KCNMA1: variants seen among roughly 807,000 people sequenced by gnomAD.
KCNMA1 encodes Calcium-activated potassium channel subunit alpha-1.
Under a neutral mutation model 140.0 loss-of-function variants are expected in KCNMA1, and 29 were observed. That is an observed-to-expected ratio of 0.21 (90% CI 0.15 to 0.28). KCNMA1 has a LOEUF of 0.28. Among genes scored for constraint, KCNMA1 ranks in the 10% least tolerant of loss-of-function variants. The pLI, the probability that KCNMA1 is intolerant of heterozygous loss-of-function variation, is 1.00. For synonymous variants in KCNMA1, 612 were observed against 611.9 expected (o/e 1.00, Z 0.00); for missense variants, 880 against 1,602.2 (o/e 0.55, Z 7.70).
intron 3 of KCNMA1, among the ~76,000 whole-genome samples, chr10:77,192,537 C>T (rs1372024145): frequency 6.6e-6 from 1 of 152,152 alleles, no homozygotes; most frequent in South Asian, 2.1e-4. Flanking sequence ...GCTATAGGAT[C>T]TTAAGCAAAT....
At chr10:76,904,241 T>C (rs1299392115) in intron 25 of KCNMA1, 1 of 152,242 alleles carries the variant, frequency 6.6e-6, no homozygotes, top group African/African-American at 2.4e-5. Flanking sequence ...TCCTAATTCA[T>C]GGCCCAGTTT....
At chr10:77,032,560 G>A (rs1478086288) in intron 15 of KCNMA1, among the ~76,000 whole-genome samples, 1 of 151,950 alleles carries the variant, frequency 6.6e-6, no homozygotes, top group Non-Finnish European at 1.5e-5. Context: ...ATAATTACAG[G>A]GGAATAGAAA....
intron 11 of KCNMA1, among the ~76,000 whole-genome samples, chr10:77,085,089 A>C (rs1487164366): frequency 6.6e-6 from 1 of 152,080 alleles, no homozygotes; most frequent in African/African-American, 2.4e-5. Flanking sequence ...TCCTATCAGG[A>C]GTTGGAGGTG....
chr10:77,525,800 C>G (rs1603632833), intron 1 of KCNMA1, among the ~76,000 whole-genome samples: 1 of 152,286 alleles, frequency 6.6e-6, no homozygotes, highest in Middle Eastern at 3.4e-3. Flanking sequence ...ACTAACATGG[C>G]CCCATCTTGT....
chr10:77,637,007 C>G, intron 1 of KCNMA1: 1 of 1,414,580 alleles, frequency 7.1e-7, no homozygotes, highest in Non-Finnish European at 9.2e-7. Context: ...GCCAACAACC[C>G]TACAATAAAC....
intron 2 of KCNMA1, among the ~76,000 whole-genome samples, chr10:77,293,253 T>A (rs1187715396): frequency 6.6e-6 from 1 of 152,182 alleles, no homozygotes; most frequent in Non-Finnish European, 1.5e-5. Flanking sequence ...TTCCTCATTG[T>A]TTATAAAGAG....
chr10:77,338,158 A>G lies in KCNMA1; in HGVS notation c.540+65704T>C, dbSNP rs1039817913. ...TGAGAGTGAAAAGGAAACAGGACTC[A>G]AGCCTCTCTTTGGTCACAGACTCAG... On this transcript the variant is annotated intron_variant, in intron 2 of 27. Coordinates refer to ENST00000286628, the MANE Select transcript of KCNMA1 (RefSeq NM_001161352.2). 7.2e-5 allele frequency among the ~76,000 whole-genome samples: 11 copies of G among 152,276 alleles called. 1 individual carries two copies. In the South Asian group the frequency reaches 2.3e-3, roughly 32 times the overall value.
chr10:77,548,816 A>G (rs61096875), intron 1 of KCNMA1, among the ~76,000 whole-genome samples: 26,517 of 152,214 alleles, frequency 0.17, 2,584 homozygotes, highest in African/African-American at 0.26. Flanking sequence ...TCATGCAACA[A>G]GTAATTATTG....
At chr10:77,314,003 A>C (rs959010798) in intron 2 of KCNMA1, 10 of 152,222 alleles carry the variant, frequency 6.6e-5, no homozygotes, top group Non-Finnish European at 1.2e-4. Context: ...TTTATAAATG[A>C]AATGAGAATG....
At chr10:76,947,236 C>T (rs2064322260) in intron 22 of KCNMA1, among the ~76,000 whole-genome samples, 1 of 152,070 alleles carries the variant, frequency 6.6e-6, no homozygotes, top group Non-Finnish European at 1.5e-5. Context: ...ACTCAGGAGA[C>T]TGAGGCAGGA....
chr10:77,350,743 C>G (rs561950529), intron 2 of KCNMA1: 1 of 152,402 alleles, frequency 6.6e-6, no homozygotes, highest in South Asian at 2.1e-4. Context: ...GGGAGGGTGT[C>G]TCTCTCCCCT....
intron 5 of KCNMA1, among the ~76,000 whole-genome samples, chr10:77,159,666 C>T (rs888231882): frequency 1.3e-5 from 2 of 151,888 alleles, no homozygotes; most frequent in African/African-American, 4.8e-5. Context: ...CCTGCCTATT[C>T]CCCCCTCCTG....
At chr10:77,244,731 G>A (rs1285444848) in intron 3 of KCNMA1, among the ~76,000 whole-genome samples, 1 of 152,314 alleles carries the variant, frequency 6.6e-6, no homozygotes, top group Middle Eastern at 3.4e-3. Context: ...GGTCAGATGA[G>A]CTAGGAAGGC....
At chr10:77,413,939 G>A (rs176286) in intron 1 of KCNMA1, among the ~76,000 whole-genome samples, 70,169 of 151,826 alleles carry the variant, frequency 0.46, 17,274 homozygotes, top group South Asian at 0.55. Flanking sequence ...TGGGTGTCTC[G>A]GCTGGACCTA....
rs1022941695 is a variant in KCNMA1 at position 77,629,744 on chromosome 10, C to G, written c.378+7521G>C. Reference sequence around the variant, plus strand: ...GGTCTTAATTATTTTTCCCCCAGCACCTAGCTTGGTTTCTGGCACATCGTA... The same window carrying G: ...GGTCTTAATTATTTTTCCCCCAGCAGCTAGCTTGGTTTCTGGCACATCGTA... On this transcript the variant is annotated intron_variant, in intron 1 of 27. Transcript: ENST00000286628. Among the ~76,000 whole-genome samples the G allele has an allele frequency of 3.2e-4, 48 of 152,178 alleles. 2 individuals carry two copies.
At chr10:77,016,497 C>T (rs1048154672) in intron 17 of KCNMA1, among the ~76,000 whole-genome samples, 2 of 151,920 alleles carry the variant, frequency 1.3e-5, no homozygotes, top group African/African-American at 4.8e-5. Flanking sequence ...GACTGCTTCC[C>T]GGTATTGTTG....
At chr10:77,232,356 CCATTCTACAT>C (rs1234616774) in intron 3 of KCNMA1, among the ~76,000 whole-genome samples, 1 of 152,226 alleles carries the variant, frequency 6.6e-6, no homozygotes, top group Non-Finnish European at 1.5e-5. Flanking sequence ...AGCTACAGCA[CCATTCTACAT>C]CATCCCCACG....
chr10:77,079,601 C>T (rs1361423093), intron 12 of KCNMA1, 51 bp from the exon 13 acceptor site: 2 of 1,275,164 alleles, frequency 1.6e-6, no homozygotes, highest in African/African-American at 1.5e-5. Context: ...TGCATGGTGT[C>T]TGACAAAAAG....
At chr10:77,016,498 G>A (rs769011818) in intron 17 of KCNMA1, among the ~76,000 whole-genome samples, 10 of 151,950 alleles carry the variant, frequency 6.6e-5, no homozygotes, top group African/African-American at 2.2e-4. Context: ...ACTGCTTCCC[G>A]GTATTGTTGG....
Sources: gnomAD v4.1 joint callset for allele counts (sites outside exome capture counted in the v4.1 genomes callset) on GRCh38, gnomAD v4.1.1 for gene constraint, MANE v1.5 for transcripts, NCBI Gene and HGNC (gene_info 2026-07-23, HGNC 2026-07-21) for gene names.